SLC43A3: variants seen among roughly 807,000 people sequenced by gnomAD.
SLC43A3 encodes equilibrative nucleobase transporter 1.
SLC43A3 carries 33 observed loss-of-function variants against 53.3 expected under a neutral mutation model. The ratio of observed to expected loss-of-function variants is 0.62; its 90% CI spans 0.47 to 0.83. SLC43A3 has a LOEUF of 0.83. Among genes scored for constraint, SLC43A3 ranks in the 40% least tolerant of loss-of-function variants. The pLI is 0.00. For synonymous variants in SLC43A3, 236 were observed against 246.2 expected (o/e 0.96, Z 0.39); for missense variants, 530 against 610.0 (o/e 0.87, Z 1.38).
At chr11:57,408,453 G>GCTA (rs2134496861) in intron 13 of SLC43A3, 1 of 154,452 alleles carries the variant, frequency 6.5e-6, no homozygotes, top group African/African-American at 2.4e-5. Flanking sequence ...TGTAGTGTCA[G>GCTA]CTACTCAGGA....
At chr11:57,420,758 C>T (rs534688495) in intron 7 of SLC43A3, among the ~76,000 whole-genome samples, 37 of 152,348 alleles carry the variant, frequency 2.4e-4, no homozygotes, top group Non-Finnish European at 8.8e-5. Flanking sequence ...GCTCTAGAAC[C>T]GACAAGCCTG....
chr11:57,425,851 G>T, intron 3 of SLC43A3, 138 bp downstream of exon 3: 1 of 1,341,848 alleles, frequency 7.5e-7, no homozygotes, highest in Non-Finnish European at 1.0e-6. Context: ...GCACTTCCCA[G>T]ATCAAGTGGG....
chr11:57,425,961 T>TCCTTAGAAAAGTCATCCCTGCCCTTA lies in SLC43A3; in HGVS notation c.184+2_184+27dup, dbSNP rs1319059265. On this transcript the variant is annotated intron_variant, in intron 3 of 13. Transcript: ENST00000395124. ...CACCACGTGGGAGCCAGACTTAACT[T>TCCTTAGAAAAGTCATCCCTGCCCTTA]CCTTAGAAAAGTCATCCCTGCCCTT... is the stretch of plus-strand genomic sequence containing the variant. The TCCTTAGAAAAGTCATCCCTGCCCTTA allele has an allele frequency of 1.9e-6, 3 of 1,604,112 alleles. No homozygotes were observed. The East Asian group carries it at 6.7e-5, about 36-fold the overall frequency.
At chr11:57,420,220 C>G (rs1942923956) in intron 7 of SLC43A3, among the ~76,000 whole-genome samples, 4 of 152,226 alleles carry the variant, frequency 2.6e-5, no homozygotes, top group Admixed American at 6.5e-5. Flanking sequence ...ATCCTCACAC[C>G]ACAACATTCA....
intron 1 of SLC43A3, 37 bp downstream of exon 1, chr11:57,427,025 C>A (rs1943224761): frequency 6.6e-6 from 1 of 152,264 alleles, no homozygotes; most frequent in African/African-American, 2.4e-5. Context: ...CCGCGCTCGG[C>A]GCCCCATGGC....
intron 9 of SLC43A3, 91 bp from the exon 10 acceptor site, chr11:57,415,197 T>A (rs1056191776): frequency 1.9e-6 from 3 of 1,568,866 alleles, no homozygotes; most frequent in Admixed American, 3.6e-5. Flanking sequence ...ACATTTCAGA[T>A]CCGGGCCCAC....
intron 5 of SLC43A3, 22 bp downstream of exon 5, chr11:57,423,960 C>T (rs768051333): frequency 6.2e-7 from 1 of 1,613,598 alleles, no homozygotes; most frequent in Admixed American, 1.7e-5. Flanking sequence ...TGCATCCCTC[C>T]CACCCACCTG....
chr11:57,407,720 G>GA lies in SLC43A3; in HGVS notation c.*71dup. ...TGCTGGGATAGGCAAAGTCTTTTGGGACACGAGGTCCTCAAAGGTGGTGGA... is the reference window on the plus strand; with the variant it reads ...TGCTGGGATAGGCAAAGTCTTTTGGGAACACGAGGTCCTCAAAGGTGGTGGA... On this transcript the variant is annotated 3_prime_UTR_variant, in exon 14 of 14. Transcript: ENST00000395124. 2 of 862,984 alleles carry GA rather than the reference G, an allele frequency of 2.3e-6. No homozygotes were observed. The highest frequency in any genetic ancestry group is 3.9e-6 in the Non-Finnish European group (2 of 516,828). 53.5% of individuals were successfully genotyped at this position (862,984 alleles called of 1,614,324 possible).
rs1942962974 is a variant in SLC43A3, at chr11:57,421,070, G to A, written c.439-6C>T. On this transcript the variant is annotated splice_polypyrimidine_tract_variant and splice_region_variant and intron_variant, in intron 6 of 13. Coordinates refer to ENST00000395124, the MANE Select transcript of SLC43A3 (RefSeq NM_199329.3). Reference sequence around the variant, plus strand: ...TGGCCAAATAGGTTCCCAATCTGGGGATGATAGGACTAGCCTGGATCACTT... The same window carrying A: ...TGGCCAAATAGGTTCCCAATCTGGGAATGATAGGACTAGCCTGGATCACTT... 6.3e-7 allele frequency: 1 copy of A among 1,595,646 alleles called. No homozygotes were observed. Among genetic ancestry groups the A allele is most frequent in the African/African-American group, 1.3e-5 (1 of 74,510 alleles).
chr11:57,424,271 A>G (rs1218949522), intron 4 of SLC43A3, among the ~76,000 whole-genome samples: 1 of 152,238 alleles, frequency 6.6e-6, no homozygotes, highest in African/African-American at 2.4e-5. Flanking sequence ...GCCCAAGGCT[A>G]GCATGGAAAG....
chr11:57,416,046 C>T (rs147020562), intron 9 of SLC43A3, among the ~76,000 whole-genome samples: 1 of 152,302 alleles, frequency 6.6e-6, no homozygotes, highest in African/African-American at 2.4e-5. Context: ...GATCTCTAGG[C>T]CTGTTCATCC....
In SLC43A3 at chr11:57,426,009, C is replaced by T; in HGVS notation, c.164G>A (p.Gly55Asp). Reference sequence around the variant, plus strand: ...CTTACCAGCCTGCCCTGTGGCATTGCCAATCGGCCCAGCATCTGGTCCACA... The same window carrying T: ...CTTACCAGCCTGCCCTGTGGCATTGTCAATCGGCCCAGCATCTGGTCCACA... ...DLCGPDAGPI[G>D]NATGQADCKA... The change falls in exon 3 of 14, where the codon GGC (glycine) becomes GAC (aspartate). Residue 55 changes from glycine (G) to aspartate (D), a missense_variant. This residue lies in a region of SLC43A3 where 376 missense variants were observed against 386.7 expected (regional missense o/e 0.97). Coordinates refer to ENST00000395124, the MANE Select transcript of SLC43A3 (RefSeq NM_199329.3). The T allele has an allele frequency of 1.2e-6, 2 of 1,614,186 alleles. No homozygotes were observed. The highest frequency in any genetic ancestry group is 1.7e-6 in the Non-Finnish European group (2 of 1,179,986).
At chr11:57,416,399 G>A (rs1452960240) in intron 9 of SLC43A3, among the ~76,000 whole-genome samples, 174 bp downstream of exon 9, 1 of 152,184 alleles carries the variant, frequency 6.6e-6, no homozygotes, top group Non-Finnish European at 1.5e-5. Flanking sequence ...GAAAAGAGAC[G>A]AAAGCCCTGG....
In SLC43A3 at chr11:57,416,575, T is replaced by C; in HGVS notation, c.767A>G (p.Glu256Gly). The change falls in exon 9 of 14, where the codon GAA becomes GGA. Residue 256 changes from glutamate to glycine, a missense_variant and splice_region_variant. By Grantham distance (98) the Glu-to-Gly change is moderately conservative. This residue lies in a region of SLC43A3 where 376 missense variants were observed against 386.7 expected (regional missense o/e 0.97). Coordinates refer to ENST00000395124, the MANE Select transcript of SLC43A3 (RefSeq NM_199329.3). ...LQSKEFLSAK[E>G]ETPGAGQKQE... ...ATGGGTTAGCCAGCAGGGCTCACCTTCCTTCGCTGAAAGGAACTCCTTTGA... is the reference window on the plus strand; with the variant it reads ...ATGGGTTAGCCAGCAGGGCTCACCTCCCTTCGCTGAAAGGAACTCCTTTGA... 4 of 1,613,502 alleles carry C rather than the reference T, an allele frequency of 2.5e-6. No homozygotes were observed. Among genetic ancestry groups the C allele is most frequent in the Non-Finnish European group, 3.4e-6 (4 of 1,179,516 alleles).
Position 57,426,096 on chromosome 11 carries a change from ACG to A in SLC43A3, c.75_76del (p.Val26ProfsTer14), listed in dbSNP as rs768922549. ...CACTAGTGAAGGCCAGCCAAAGAGGACGCCAGCAAAGCCCAGGCATTCCAGCA... is the reference window on the plus strand; with the variant it reads ...CACTAGTGAAGGCCAGCCAAAGAGGACCAGCAAAGCCCAGGCATTCCAGCA... On this transcript the variant is annotated frameshift_variant, in exon 3 of 14. Coordinates refer to ENST00000395124, the MANE Select transcript of SLC43A3 (RefSeq NM_199329.3). LOFTEE classifies it high-confidence loss of function. 4 of 1,614,144 alleles carry A rather than the reference ACG, an allele frequency of 2.5e-6. No individual in the cohort carries two copies. The highest frequency in any genetic ancestry group is 1.7e-6 in the Non-Finnish European group (2 of 1,180,052).
At chr11:57,410,178 C>G (rs772191753) in intron 11 of SLC43A3, 57 bp from the exon 12 acceptor site, 15 of 1,394,798 alleles carry the variant, frequency 1.1e-5, no homozygotes, top group Non-Finnish European at 1.4e-5. Flanking sequence ...CAGAAGTCAG[C>G]GAAGGGCCAA....
chr11:57,407,719 G>T lies in SLC43A3; in HGVS notation c.*73C>A. The T allele has an allele frequency of 1.2e-6, 1 of 830,348 alleles. No individual in the cohort carries two copies. Among genetic ancestry groups the T allele is most frequent in the Non-Finnish European group, 2.0e-6 (1 of 490,002 alleles). The allele number at this position is 830,348 out of a possible 1,614,324, so 51.4% of individuals were successfully genotyped here. A position where few individuals can be genotyped will look rare whatever the true frequency, so the allele number is the denominator to read the frequency against. On this transcript the variant is annotated 3_prime_UTR_variant, in exon 14 of 14. Transcript: ENST00000395124. ...TTGCTGGGATAGGCAAAGTCTTTTG[G>T]GACACGAGGTCCTCAAAGGTGGTGG... is the stretch of plus-strand genomic sequence containing the variant.
chr11:57,423,990 G>C lies in SLC43A3; in HGVS notation c.353C>G (p.Thr118Ser), dbSNP rs757368612. Residue 118 changes from threonine to serine, a missense_variant, in exon 5 of 14, where the codon ACC becomes AGC. By Grantham distance (58) the Thr-to-Ser change is moderately conservative. Around this residue, in one of 3 missense-constraint regions of SLC43A3, gnomAD observed 376 missense variants for 386.7 expected, o/e 0.97. Coordinates refer to ENST00000395124, the MANE Select transcript of SLC43A3 (RefSeq NM_199329.3). Reference protein sequence around the residue: ...YTTATLIIAFTSAGSAVLLFL... With the variant: ...YTTATLIIAFSSAGSAVLLFL... ...CACCTGACAGCACTCACCTGCAGAG[G>C]TGAAGGCTATGATGAGTGTGGCGGT... 1.4e-5 allele frequency: 23 copies of C among 1,614,058 alleles called. No homozygotes were observed. The highest frequency in any genetic ancestry group is 1.7e-6 in the Non-Finnish European group (2 of 1,180,010).
chr11:57,409,850 C>T (rs927410850), intron 12 of SLC43A3, 85 bp downstream of exon 12: 9 of 1,356,730 alleles, frequency 6.6e-6, no homozygotes, highest in South Asian at 1.5e-5. Context: ...CTCCAGGCCC[C>T]GCCTTGCCTC....
Sources: gnomAD v4.1 joint callset for allele counts (sites outside exome capture counted in the v4.1 genomes callset) on GRCh38, gnomAD v4.1.1 for gene constraint, gnomAD v4.1.1 regional missense constraint, MANE v1.5 for transcripts, NCBI Gene and HGNC (gene_info 2026-07-23, HGNC 2026-07-21) for gene names.